Variants in PCTP observed in about 807,000 individuals in gnomAD.
PCTP encodes the protein START domain-containing protein 2.
PCTP carries 27 observed loss-of-function variants against 31.0 expected under a neutral mutation model. The observed-to-expected ratio is 0.87, with a 90% confidence interval of 0.64 to 1.20. PCTP has a LOEUF of 1.20. PCTP is among the 50% of genes most tolerant of loss of function. The pLI, the probability that PCTP is intolerant of heterozygous loss-of-function variation, is 0.00. For missense variants in PCTP, 287 were observed against 268.2 expected, an observed-to-expected ratio of 1.07 and a Z score of -0.49; for synonymous variants, 108 against 101.2, an observed-to-expected ratio of 1.07 and a Z score of -0.40.
At chr17:55,814,424 T>C (rs1211824809) in intron 3 of PCTP, among the ~76,000 whole-genome samples, 1 of 152,198 alleles carries the variant, frequency 6.6e-6, no homozygotes, top group Non-Finnish European at 1.5e-5. Context: ...AGCTCTGCCC[T>C]CCGGAGGCTT....
At chr17:55,774,257 G>C (rs1911182488) in intron 4 of PCTP, among the ~76,000 whole-genome samples, 1 of 152,162 alleles carries the variant, frequency 6.6e-6, no homozygotes, top group African/African-American at 2.4e-5. Context: ...GTTTGTCTTG[G>C]AGGTCTCAGC....
At chr17:55,847,363 A>C (rs112148642), downstream of PCTP, among the ~76,000 whole-genome samples, 1,673 of 152,276 alleles carry the variant, frequency 0.011, 33 homozygotes, top group African/African-American at 0.038. Context: ...TGTAATCCCC[A>C]GGTATTGAGG....
At chr17:55,814,811 C>G (rs1014147730) in intron 3 of PCTP, among the ~76,000 whole-genome samples, 1 of 152,200 alleles carries the variant, frequency 6.6e-6, no homozygotes, top group Non-Finnish European at 1.5e-5. Context: ...TCAAAGTACT[C>G]CTGTGTGGAA....
At chr17:55,795,139 C>T (rs1291713306) in intron 3 of PCTP, among the ~76,000 whole-genome samples, 1 of 151,948 alleles carries the variant, frequency 6.6e-6, no homozygotes, top group East Asian at 1.9e-4. Flanking sequence ...AGAGCTATCC[C>T]CCTGCCATCA....
chr17:55,812,799 G>T (rs550160280), intron 3 of PCTP, among the ~76,000 whole-genome samples: 1 of 152,290 alleles, frequency 6.6e-6, no homozygotes, highest in East Asian at 1.9e-4. Context: ...GAGTAAGCTG[G>T]AAAGAAAATT....
chr17:55,821,071 G>C (rs888954957), intron 3 of PCTP, among the ~76,000 whole-genome samples: 1 of 152,138 alleles, frequency 6.6e-6, no homozygotes, highest in Non-Finnish European at 1.5e-5. Context: ...TAAAAACACA[G>C]GTCAACACAC....
At chr17:55,774,769 T>C (rs1567717209) in intron 4 of PCTP, 23 bp from the exon 5 acceptor site, 4 of 1,581,038 alleles carry the variant, frequency 2.5e-6, no homozygotes, top group Non-Finnish European at 3.5e-6. Context: ...TTTTTCTGAA[T>C]TGTCCTTTCT....
intron 5 of PCTP, among the ~76,000 whole-genome samples, chr17:55,838,080 G>T (rs946813250): frequency 1.3e-5 from 2 of 152,204 alleles, no homozygotes; most frequent in Non-Finnish European, 2.9e-5. Flanking sequence ...GATTGAGGCT[G>T]CAGTGAGCTA....
intron 2 of PCTP, among the ~76,000 whole-genome samples, chr17:55,768,094 A>G (rs1326482209): frequency 6.6e-6 from 1 of 152,020 alleles, no homozygotes; most frequent in Non-Finnish European, 1.5e-5. Context: ...TCAAAAAAAA[A>G]AAAAAGTCTA....
chr17:55,852,449 C>A, the PCTP span, among the ~76,000 whole-genome samples: 2 of 152,126 alleles, frequency 1.3e-5, no homozygotes, highest in Non-Finnish European at 2.9e-5. Flanking sequence ...GAGTGAGACC[C>A]AAGAACTGCA....
intron 5 of PCTP, among the ~76,000 whole-genome samples, chr17:55,832,087 A>AAAC (rs1044364717): frequency 2.6e-5 from 4 of 152,078 alleles, no homozygotes; most frequent in East Asian, 1.9e-4. Flanking sequence ...ACAAACAAAC[A>AAAC]AACAACAACA....
At chr17:55,820,576 A>G (rs552998394) in intron 3 of PCTP, among the ~76,000 whole-genome samples, 6 of 152,374 alleles carry the variant, frequency 3.9e-5, no homozygotes, top group South Asian at 4.1e-4. Context: ...AAGGCCCTAC[A>G]TCTTAATACT....
chr17:55,813,028 C>T (rs940812489), intron 3 of PCTP, among the ~76,000 whole-genome samples: 1 of 152,166 alleles, frequency 6.6e-6, no homozygotes, highest in African/African-American at 2.4e-5. Context: ...GAGAACAGAA[C>T]TGAACTCAGT....
chr17:55,827,654 C>T (rs892344219), downstream of PCTP, among the ~76,000 whole-genome samples: 1 of 152,182 alleles, frequency 6.6e-6, no homozygotes, highest in African/African-American at 2.4e-5. Context: ...TTGGAACATT[C>T]CCCGTTAGAG....
At chr17:55,835,752 C>T (rs971870344) in intron 5 of PCTP, among the ~76,000 whole-genome samples, 2 of 152,116 alleles carry the variant, frequency 1.3e-5, no homozygotes, top group Non-Finnish European at 2.9e-5. Flanking sequence ...AAGGTGGCTA[C>T]CTGAAGTGCC....
intron 1 of PCTP, among the ~76,000 whole-genome samples, chr17:55,760,647 T>G (rs1323285961): frequency 6.6e-6 from 1 of 152,196 alleles, no homozygotes; most frequent in Non-Finnish European, 1.5e-5. Flanking sequence ...AAAGTGATAA[T>G]ATTCATCTTT....
downstream of PCTP, among the ~76,000 whole-genome samples, chr17:55,844,939 T>C (rs1906096249): frequency 6.6e-6 from 1 of 151,262 alleles, no homozygotes; most frequent in South Asian, 2.1e-4. Flanking sequence ...TACAAAAAAT[T>C]AGCCGGGCTT....
chr17:55,850,849 T>C, the PCTP span, among the ~76,000 whole-genome samples: 1 of 152,326 alleles, frequency 6.6e-6, no homozygotes, highest in East Asian at 1.9e-4. Context: ...CCGTATGAAA[T>C]TCATTGATCC....
At chr17:55,808,560 T>C (rs544990351) in intron 3 of PCTP, among the ~76,000 whole-genome samples, 1 of 152,330 alleles carries the variant, frequency 6.6e-6, no homozygotes, top group South Asian at 2.1e-4. Context: ...ATTGCAATTA[T>C]GAGAAGCACA....
Sources: allele counts gnomAD v4.1 joint callset (sites outside exome capture counted in the v4.1 genomes callset), GRCh38; gene constraint gnomAD v4.1.1; transcripts MANE v1.5; gene names NCBI Gene and HGNC (gene_info 2026-07-23, HGNC 2026-07-21).